Variants in PCDH11Y observed in about 807,000 individuals in gnomAD.
PCDH11Y encodes protocadherin-11 Y-linked.
For missense variants in PCDH11Y, 12 were observed against 224.8 expected (o/e 0.05, Z 6.05); for synonymous variants, 9 against 83.6 (o/e 0.11, Z 4.87).
intron 4 of PCDH11Y, among the ~76,000 whole-genome samples, chrY:5,673,767 T>C (rs1602958565): frequency 2.5e-4 from 8 of 31,721 alleles, no homozygotes; most frequent in African/African-American, 7.3e-4. Context: ...CCTCCATTTT[T>C]ATAAACTATT....
chrY:5,374,411 A>ATGTG (rs374854005), intron 2 of PCDH11Y, among the ~76,000 whole-genome samples: 1 of 25,835 alleles, frequency 3.9e-5, no homozygotes, highest in Non-Finnish European at 8.9e-5. Flanking sequence ...CTCTCTCTCT[A>ATGTG]TGTGTGTGTG....
At chrY:5,592,555 A>C in intron 4 of PCDH11Y, among the ~76,000 whole-genome samples, 1 of 30,421 alleles carries the variant, frequency 3.3e-5, no homozygotes, top group Non-Finnish European at 7.8e-5. Flanking sequence ...ATTTGATTCT[A>C]TCATCATCAT....
chrY:5,678,287 C>A, intron 4 of PCDH11Y, among the ~76,000 whole-genome samples: 1 of 32,499 alleles, frequency 3.1e-5, no homozygotes, highest in Non-Finnish European at 7.5e-5. Context: ...AAATAACAAG[C>A]AGCCACTTAG....
rs202032448 is a variant in PCDH11Y at position 5,600,180 on chromosome Y, G to C, written c.3352+18382G>C. 4.0e-4 allele frequency among the ~76,000 whole-genome samples: 6 copies of C among 15,157 alleles called. No individual in the cohort carries two copies. The East Asian group carries it at 7.3e-3, about 18-fold the overall frequency. 40.7% of individuals were successfully genotyped at this position (15,157 alleles called of 37,273 possible). On this transcript the variant is annotated intron_variant, in intron 4 of 4. Transcript: ENST00000400457. ...TTTTGAGACAGAGTTTCACTCTGTCGTCCAGGCTACAATGCAATGGCATGA... is the reference window on the plus strand; with the variant it reads ...TTTTGAGACAGAGTTTCACTCTGTCCTCCAGGCTACAATGCAATGGCATGA...
chrY:5,377,744 T>G (rs1602915087), intron 2 of PCDH11Y, among the ~76,000 whole-genome samples: 21 of 32,901 alleles, frequency 6.4e-4, no homozygotes, highest in Non-Finnish European at 1.0e-3. Flanking sequence ...ATGTATGTAT[T>G]TATTTATTTG....
At chrY:5,440,957 A>G (rs2053281259) in intron 2 of PCDH11Y, among the ~76,000 whole-genome samples, 2 of 32,408 alleles carry the variant, frequency 6.2e-5, no homozygotes, top group African/African-American at 1.2e-4. Flanking sequence ...ACCCATATAA[A>G]TATTTGAAGA....
chrY:5,221,852 T>G, intron 2 of PCDH11Y, among the ~76,000 whole-genome samples: 1 of 32,184 alleles, frequency 3.1e-5, no homozygotes, highest in Non-Finnish European at 7.6e-5. Context: ...CATCTTTGTC[T>G]TATTCCTTAT....
intron 2 of PCDH11Y, among the ~76,000 whole-genome samples, chrY:5,248,832 G>A (rs207480202): frequency 1.5e-4 from 5 of 32,927 alleles, no homozygotes; most frequent in African/African-American, 3.6e-4. Flanking sequence ...AAACACCATC[G>A]TCTCAGCCCC....
downstream of PCDH11Y, among the ~76,000 whole-genome samples, chrY:5,108,529 C>T: frequency 1.9e-4 from 6 of 31,554 alleles, no homozygotes; most frequent in East Asian, 8.4e-4. Context: ...GGGAGGATCA[C>T]GAGGTCAGGA....
chrY:5,573,507 G>A, intron 3 of PCDH11Y: 4 of 318,429 alleles, frequency 1.3e-5, no homozygotes, highest in Non-Finnish European at 1.9e-5. Context: ...GGGACCCCAG[G>A]TCAAAGACTG....
intron 2 of PCDH11Y, among the ~76,000 whole-genome samples, chrY:5,248,664 C>A: frequency 6.5e-5 from 2 of 30,926 alleles, no homozygotes; most frequent in Non-Finnish European, 1.6e-4. Flanking sequence ...TGAAAACCAG[C>A]ATAAGACAAG....
At chrY:5,164,658 A>G (rs2052877481) in intron 2 of PCDH11Y, among the ~76,000 whole-genome samples, 1 of 32,499 alleles carries the variant, frequency 3.1e-5, no homozygotes, top group Non-Finnish European at 7.6e-5. Flanking sequence ...AAGACATAGG[A>G]CAAACAAAAA....
chrY:5,199,574 G>A, intron 2 of PCDH11Y, among the ~76,000 whole-genome samples: 1 of 32,408 alleles, frequency 3.1e-5, no homozygotes, highest in Non-Finnish European at 7.5e-5. Context: ...GGCATGAGCC[G>A]CCACGCCTGG....
At chrY:5,405,396 A>G (rs2053237735) in intron 2 of PCDH11Y, among the ~76,000 whole-genome samples, 1 of 27,771 alleles carries the variant, frequency 3.6e-5, no homozygotes, top group Admixed American at 3.6e-4. Context: ...TATGTTTCCC[A>G]GGCTGTTCTG....
rs2124709427 is a variant in PCDH11Y at position 5,680,442 on chromosome Y, G to A, written c.3353-56830G>A. On this transcript the variant is annotated intron_variant, in intron 4 of 4. Coordinates refer to the PCDH11Y transcript ENST00000400457. ...TCAAAGCTCAGACATTAATGAACTT[G>A]TACGAGCATCAACACCACCCAAGAA... Among the ~76,000 whole-genome samples the A allele has an allele frequency of 9.2e-5, 3 of 32,466 alleles. No homozygotes were observed. In the East Asian group the frequency reaches 2.5e-3, roughly 27 times the overall value. 87.1% of individuals were successfully genotyped at this position (32,466 alleles called of 37,273 possible). A position where few individuals can be genotyped will look rare whatever the true frequency, so the allele number is the denominator to read the frequency against.
At chrY:5,276,654 C>T in intron 2 of PCDH11Y, among the ~76,000 whole-genome samples, 1 of 32,591 alleles carries the variant, frequency 3.1e-5, no homozygotes. Context: ...CTCCTCAAAT[C>T]ATTCTTATCC....
At chrY:5,400,234 T>C in intron 2 of PCDH11Y, among the ~76,000 whole-genome samples, 1 of 34,881 alleles carries the variant, frequency 2.9e-5, no homozygotes, top group East Asian at 7.7e-4. Flanking sequence ...CACAGATTGC[T>C]CATGCTATTG....
At chrY:5,503,783 A>C in intron 3 of PCDH11Y, among the ~76,000 whole-genome samples, 2 of 32,604 alleles carry the variant, frequency 6.1e-5, no homozygotes, top group Admixed American at 5.8e-4. Context: ...TAATCTCTTT[A>C]GGCTAATACT....
intron 2 of PCDH11Y, among the ~76,000 whole-genome samples, chrY:5,322,014 T>C: frequency 3.2e-5 from 1 of 31,240 alleles, no homozygotes; most frequent in Non-Finnish European, 7.7e-5. Context: ...CGGGGAAATA[T>C]ATTTTTTTCA....
Sources: gnomAD v4.1 joint callset for allele counts (sites outside exome capture counted in the v4.1 genomes callset) on GRCh38, gnomAD v4.1.1 for gene constraint, MANE v1.5 for transcripts, NCBI Gene and HGNC (gene_info 2026-07-23, HGNC 2026-07-21) for gene names.